The following PRKCA variants were observed in gnomAD, a reference collection of about 807,000 sequenced individuals.
PRKCA encodes protein kinase C alpha type.
In PRKCA, 27 loss-of-function variants were observed where a neutral mutation model predicts 87.0. The observed-to-expected ratio is 0.31, with a 90% CI of 0.23 to 0.43. The LOEUF (loss-of-function observed/expected upper bound fraction) is 0.43. Ranked by LOEUF, PRKCA falls within the 20% of genes least tolerant of loss-of-function variation. The pLI is 1.00. For synonymous variants in PRKCA, 329 were observed against 311.1 expected (o/e 1.06, Z -0.61); for missense variants, 518 against 852.3 (o/e 0.61, Z 4.88).
intron 2 of PRKCA, among the ~76,000 whole-genome samples, chr17:66,381,537 G>A (rs1909775682): frequency 6.6e-6 from 1 of 152,120 alleles, no homozygotes; most frequent in Admixed American, 6.5e-5. Context: ...GAGAAGGATT[G>A]GACAATCAAG....
intron 3 of PRKCA, among the ~76,000 whole-genome samples, chr17:66,548,392 A>G (rs545125109): frequency 6.6e-6 from 1 of 152,202 alleles, no homozygotes; most frequent in Admixed American, 6.5e-5. Context: ...AATGATTTAT[A>G]ATGTTTGAGA....
intron 2 of PRKCA, among the ~76,000 whole-genome samples, chr17:66,493,755 G>A (rs1049746409): frequency 3.3e-5 from 5 of 152,164 alleles, no homozygotes; most frequent in Non-Finnish European, 4.4e-5. Flanking sequence ...AGCCTGGCAC[G>A]TGATAAGATG....
intron 3 of PRKCA, chr17:66,641,069 A>T (rs1026507957): frequency 8.9e-6 from 3 of 336,484 alleles, no homozygotes; most frequent in African/African-American, 2.1e-5. Flanking sequence ...GAGGCAGGAC[A>T]ATCGTTTGAA....
In PRKCA at chr17:66,738,811, G is replaced by T. The variant is rs531167467; in HGVS notation, c.1278G>T (p.Met426Ile). 6.2e-7 allele frequency: 1 copy of T among 1,613,850 alleles called. No individual in the cohort carries two copies. The highest frequency in any genetic ancestry group is 1.1e-5 in the South Asian group (1 of 91,014). Residue 426 changes from methionine to isoleucine, a missense_variant, in exon 11 of 17, where the codon ATG becomes ATT. By Grantham distance (10) the Met-to-Ile change is conservative (BLOSUM62 1). Transcript: ENST00000413366. ...VMEYVNGGDLMYHIQQVGKFK... is the reference protein window; with the variant it reads ...VMEYVNGGDLIYHIQQVGKFK... ...AATATGTCAACGGTGGGGACCTCAT[G>T]TACCACATTCAGCAAGTAGGAAAAT...
rs71160568 is a variant in PRKCA at position 66,406,585 on chromosome 17, G to GTTTTTTTTTTTTTTTTTT, written c.206-89609_206-89592dup. Among the ~76,000 whole-genome samples the GTTTTTTTTTTTTTTTTTT allele has an allele frequency of 7.3e-3, 515 of 70,152 alleles. 95 individuals carry two copies. The highest frequency in any genetic ancestry group is 0.043 in the Middle Eastern group (2 of 46). The allele number at this position is 70,152 out of a possible 152,430, so 46.0% of individuals were successfully genotyped here. A position where few individuals can be genotyped will look rare whatever the true frequency, so the allele number is the denominator to read the frequency against. Reference sequence around the variant, plus strand: ...TCATGTAGCATTGTAGCTTTTCCAGGTTTTTTTTTTTTTTTTTTTTTTTTA... The same window carrying GTTTTTTTTTTTTTTTTTT: ...TCATGTAGCATTGTAGCTTTTCCAGGTTTTTTTTTTTTTTTTTTTTTTTTTTTTTTTTTTTTTTTTTTA... On this transcript the variant is annotated intron_variant, in intron 2 of 16. Transcript: ENST00000413366.
intron 2 of PRKCA, among the ~76,000 whole-genome samples, chr17:66,453,132 G>A (rs927618380): frequency 6.6e-6 from 1 of 152,174 alleles, no homozygotes; most frequent in African/African-American, 2.4e-5. Flanking sequence ...AGGTGGTCAC[G>A]GATGTGGAAA....
intron 5 of PRKCA, among the ~76,000 whole-genome samples, chr17:66,661,745 G>C (rs181232072): frequency 4.5e-4 from 68 of 152,342 alleles, no homozygotes; most frequent in Admixed American, 1.3e-3. Context: ...AAGAGATTGA[G>C]TGATGGTGGT....
intron 3 of PRKCA, among the ~76,000 whole-genome samples, chr17:66,525,651 C>A (rs942652359): frequency 2.0e-5 from 3 of 152,100 alleles, no homozygotes; most frequent in African/African-American, 7.2e-5. Flanking sequence ...CTAACATGAC[C>A]CTGACCAGAG....
intron 8 of PRKCA, chr17:66,703,505 A>C (rs1973113378): frequency 6.6e-6 from 1 of 152,168 alleles, no homozygotes; most frequent in Admixed American, 6.6e-5. Flanking sequence ...TAAGTAGAAA[A>C]AAATAAGACC....
chr17:66,318,938 C>T lies in PRKCA; in HGVS notation c.205+12811C>T, dbSNP rs186638144. On this transcript the variant is annotated intron_variant, in intron 2 of 16. Coordinates refer to ENST00000413366, the MANE Select transcript of PRKCA (RefSeq NM_002737.3). ...GAATTTTAGACCAGCCTGGGTAACA[C>T]GGCAAAAACCTGTCTCTACAAAAAA... 6.0e-4 allele frequency among the ~76,000 whole-genome samples: 85 copies of T among 142,104 alleles called. 1 individual carries two copies. The highest frequency in any genetic ancestry group is 5.7e-3 in the South Asian group (24 of 4,196). The allele number at this position is 142,104 out of a possible 152,430, so 93.2% of individuals were successfully genotyped here.
At chr17:66,747,211 A>G (rs969624736) in intron 13 of PRKCA, among the ~76,000 whole-genome samples, 1 of 152,182 alleles carries the variant, frequency 6.6e-6, no homozygotes, top group Admixed American at 6.6e-5. Flanking sequence ...CTGGGACTAC[A>G]GGCATGTGCC....
intron 9 of PRKCA, among the ~76,000 whole-genome samples, chr17:66,734,895 T>C (rs546289468): frequency 1.3e-3 from 103 of 79,934 alleles, no homozygotes; most frequent in Non-Finnish European, 2.2e-3. Context: ...GTGGGTTCAC[T>C]GTGTTGTTAC....
At chr17:66,549,882 G>C (rs1968273506) in intron 3 of PRKCA, among the ~76,000 whole-genome samples, 1 of 152,174 alleles carries the variant, frequency 6.6e-6, no homozygotes, top group Non-Finnish European at 1.5e-5. Context: ...AACAAGAAGT[G>C]AAGGGGGTTA....
At chr17:66,447,948 G>A (rs192212025) in intron 2 of PRKCA, among the ~76,000 whole-genome samples, 8 of 152,270 alleles carry the variant, frequency 5.3e-5, no homozygotes, top group Admixed American at 1.3e-4. Context: ...CCTTTTTGTC[G>A]TGTAGTTATT....
chr17:66,377,484 T>C (rs1434815370), intron 2 of PRKCA, among the ~76,000 whole-genome samples: 1 of 149,914 alleles, frequency 6.7e-6, no homozygotes, highest in African/African-American at 2.4e-5. Flanking sequence ...TATACGTGTA[T>C]ATATATACAT....
intron 2 of PRKCA, among the ~76,000 whole-genome samples, chr17:66,456,895 G>C (rs920626941): frequency 6.6e-6 from 1 of 152,192 alleles, no homozygotes; most frequent in Admixed American, 6.5e-5. Context: ...GCTGATGGGA[G>C]TTGTTTCAGT....
At position 66,458,379 on chromosome 17, in the gene PRKCA, C is replaced by A. The variant is rs984577731; in HGVS notation, c.206-37822C>A. 5.9e-5 allele frequency among the ~76,000 whole-genome samples: 9 copies of A among 151,968 alleles called. No homozygotes were observed. In the South Asian group the frequency reaches 1.5e-3, roughly 25 times the overall value. On this transcript the variant is annotated intron_variant, in intron 2 of 16. Coordinates refer to ENST00000413366, the MANE Select transcript of PRKCA (RefSeq NM_002737.3). The stretch of plus-strand genomic sequence containing the variant: ...ACACAGCCTAGACGCTGGAGTTAAA[C>A]AAAAATGGACACAGGGGTCTTAAGA...
chr17:66,332,106 G>C (rs1193193415), intron 2 of PRKCA, among the ~76,000 whole-genome samples: 1 of 151,558 alleles, frequency 6.6e-6, no homozygotes, highest in Non-Finnish European at 1.5e-5. Context: ...ATTCATAATA[G>C]GATGTATAAA....
chr17:66,326,914 TA>T (rs749447996), intron 2 of PRKCA, among the ~76,000 whole-genome samples: 5 of 152,100 alleles, frequency 3.3e-5, no homozygotes, highest in Non-Finnish European at 5.9e-5. Context: ...TGGATTCATG[TA>T]AAAATCACCA....
Sources: allele counts gnomAD v4.1 joint callset (sites outside exome capture counted in the v4.1 genomes callset), GRCh38; gene constraint gnomAD v4.1.1; transcripts MANE v1.5; gene names NCBI Gene and HGNC (gene_info 2026-07-23, HGNC 2026-07-21).